EPSTI1: variants seen among roughly 807,000 people sequenced by gnomAD.
EPSTI1 encodes the protein epithelial stromal interaction 1.
A neutral mutation model predicts 49.9 loss-of-function variants in EPSTI1; 66 were observed. The observed-to-expected ratio is 1.32, with a 90% CI of 1.08 to 1.62. The LOEUF (loss-of-function observed/expected upper bound fraction) is 1.62. EPSTI1 is among the 40% of genes most tolerant of loss of function. The pLI is 0.00. For missense variants in EPSTI1, 394 were observed against 365.5 expected (o/e 1.08, Z -0.64); for synonymous variants, 137 against 130.7 (o/e 1.05, Z -0.33).
intron 9 of EPSTI1, among the ~76,000 whole-genome samples, chr13:42,896,281 T>C (rs1464994703): frequency 6.6e-6 from 1 of 152,210 alleles, no homozygotes; most frequent in Non-Finnish European, 1.5e-5. Flanking sequence ...AAGCTCCATG[T>C]TTAAGTCACC....
intron 9 of EPSTI1, among the ~76,000 whole-genome samples, chr13:42,897,877 A>C (rs1171907897): frequency 5.3e-5 from 8 of 152,242 alleles, no homozygotes; most frequent in Non-Finnish European, 7.3e-5. Flanking sequence ...TAGAAAGTAC[A>C]TACATGCTAC....
intron 6 of EPSTI1, among the ~76,000 whole-genome samples, chr13:42,931,287 G>A (rs2038360904): frequency 7.0e-6 from 1 of 142,322 alleles, no homozygotes; most frequent in Non-Finnish European, 1.5e-5. Flanking sequence ...CTCACTGCAA[G>A]CTCCGCTTCC....
chr13:42,953,330 T>C (rs2153428659), intron 6 of EPSTI1, among the ~76,000 whole-genome samples: 1 of 152,254 alleles, frequency 6.6e-6, no homozygotes, highest in Middle Eastern at 3.4e-3. Context: ...CTTGGTTCTA[T>C]TTCTACCACA....
At chr13:42,889,527 C>T (rs1227599129) in intron 10 of EPSTI1, among the ~76,000 whole-genome samples, 1 of 152,172 alleles carries the variant, frequency 6.6e-6, no homozygotes, top group Non-Finnish European at 1.5e-5. Context: ...TCCTCCAAGC[C>T]TCTGTGAATT....
intron 5 of EPSTI1, among the ~76,000 whole-genome samples, chr13:42,960,873 G>A (rs911673558): frequency 6.6e-6 from 1 of 152,074 alleles, no homozygotes; most frequent in Non-Finnish European, 1.5e-5. Context: ...AAGGACCTCT[G>A]TGATTATATT....
intron 7 of EPSTI1, among the ~76,000 whole-genome samples, chr13:42,918,023 A>G (rs2037887369): frequency 6.6e-6 from 1 of 152,246 alleles, no homozygotes; most frequent in Admixed American, 6.5e-5. Flanking sequence ...TGTCTTTAGA[A>G]GAACGGGCAT....
chr13:42,918,715 C>T (rs1004741577), intron 7 of EPSTI1, among the ~76,000 whole-genome samples: 4 of 152,194 alleles, frequency 2.6e-5, no homozygotes, highest in African/African-American at 9.7e-5. Context: ...GTTCAGAAAT[C>T]CCTGGTTTAT....
intron 8 of EPSTI1, among the ~76,000 whole-genome samples, chr13:42,905,304 C>T (rs141040139): frequency 1.8e-3 from 275 of 152,102 alleles, no homozygotes; most frequent in Non-Finnish European, 3.0e-3. Flanking sequence ...TCCAGATGGC[C>T]GAAGGGAAGG....
At chr13:42,990,459 C>T (rs1345810150) in intron 1 of EPSTI1, among the ~76,000 whole-genome samples, 2 of 152,086 alleles carry the variant, frequency 1.3e-5, no homozygotes, top group East Asian at 3.8e-4. Flanking sequence ...TAAATAAATG[C>T]TTTTTAACAG....
chr13:42,893,544 C>T (rs1373813676), intron 10 of EPSTI1, among the ~76,000 whole-genome samples: 2 of 152,178 alleles, frequency 1.3e-5, no homozygotes. Flanking sequence ...CATGAGGAAA[C>T]AATGCTCCTC....
At chr13:42,888,609 G>T in intron 10 of EPSTI1, 107 bp from the exon 11 acceptor site, 1 of 1,148,600 alleles carries the variant, frequency 8.7e-7, no homozygotes, top group Non-Finnish European at 1.2e-6. Context: ...GCATCAAGCT[G>T]AAATGACCAT....
chr13:42,904,967 T>A (rs1269604334), intron 8 of EPSTI1, among the ~76,000 whole-genome samples: 1 of 151,966 alleles, frequency 6.6e-6, no homozygotes, highest in Non-Finnish European at 1.5e-5. Context: ...TCTTACATAG[T>A]TTTTGTTTTT....
At chr13:42,894,370 T>A (rs546498416) in intron 10 of EPSTI1, among the ~76,000 whole-genome samples, 2 of 152,314 alleles carry the variant, frequency 1.3e-5, no homozygotes, top group South Asian at 4.1e-4. Context: ...GTAAGACCTA[T>A]GGTCTTTAGT....
intron 4 of EPSTI1, chr13:42,963,598 C>G (rs1002928725): frequency 5.9e-6 from 3 of 505,916 alleles, no homozygotes; most frequent in Non-Finnish European, 1.0e-5. Flanking sequence ...CTCTGTCTCT[C>G]TCTGTGTGTA....
chr13:42,974,336 CAAAAAA>C (rs1203848701), intron 1 of EPSTI1, among the ~76,000 whole-genome samples: 4 of 146,860 alleles, frequency 2.7e-5, no homozygotes, highest in African/African-American at 1.0e-4. Flanking sequence ...AACTCTGTCT[CAAAAAA>C]AAAGAAAAAG....
chr13:42,943,757 T>C (rs1046396107), intron 6 of EPSTI1, among the ~76,000 whole-genome samples: 1 of 151,832 alleles, frequency 6.6e-6, no homozygotes, highest in African/African-American at 2.4e-5. Flanking sequence ...GGGAGAAAAA[T>C]GTTGCAATCT....
chr13:42,968,919 A>AT (rs1555268585), intron 3 of EPSTI1, among the ~76,000 whole-genome samples, 175 bp downstream of exon 3: 3 of 54,464 alleles, frequency 5.5e-5, no homozygotes, highest in East Asian at 9.2e-4. Context: ...AAAAAAAAAA[A>AT]ATACACACAC....
intron 3 of EPSTI1, among the ~76,000 whole-genome samples, chr13:42,968,529 C>A (rs1398853499): frequency 6.6e-6 from 1 of 152,100 alleles, no homozygotes; most frequent in East Asian, 1.9e-4. Context: ...ATGATTCAAA[C>A]ACCGGCAAAG....
At chr13:42,976,777 T>C (rs1465251276) in intron 1 of EPSTI1, among the ~76,000 whole-genome samples, 2 of 152,240 alleles carry the variant, frequency 1.3e-5, no homozygotes, top group African/African-American at 4.8e-5. Flanking sequence ...CAGAAAACTA[T>C]TTTAAAAACA....
Sources: allele counts gnomAD v4.1 joint callset (sites outside exome capture counted in the v4.1 genomes callset), GRCh38; gene constraint gnomAD v4.1.1; transcripts MANE v1.5; gene names NCBI Gene and HGNC (gene_info 2026-07-23, HGNC 2026-07-21).